Variants in ASH1L observed in about 807,000 individuals in gnomAD.
ASH1L encodes ASH1 like histone lysine methyltransferase.
Under a neutral mutation model 269.0 loss-of-function variants are expected in ASH1L, and 23 were observed. That is an observed-to-expected ratio of 0.09 (90% CI 0.06 to 0.12). The LOEUF (loss-of-function observed/expected upper bound fraction) is 0.12, where lower values mean the gene tolerates loss of function less well. ASH1L is among the 10% of genes least tolerant of loss of function. The pLI, the probability that ASH1L is intolerant of heterozygous loss-of-function variation, is 1.00. For synonymous variants in ASH1L, 1,187 were observed against 1,253.5 expected (o/e 0.95, Z 1.12); for missense variants, 2,912 against 3,567.8 (o/e 0.82, Z 4.68).
rs769262562 is a variant in ASH1L, at chr1:155,502,071, CT to C, written c.420+19028del. Among the ~76,000 whole-genome samples the C allele has an allele frequency of 3.7e-3, 471 of 126,408 alleles. 1 individual carries two copies. The highest frequency in any genetic ancestry group is 9.3e-3 in the East Asian group (41 of 4,404). The allele number at this position is 126,408 out of a possible 152,430, so 82.9% of individuals were successfully genotyped here. A position where few individuals can be genotyped will look rare whatever the true frequency, so the allele number is the denominator to read the frequency against. On this transcript the variant is annotated intron_variant, in intron 2 of 27. Transcript: ENST00000392403. ...TGACAGTTTTCTTTTCTTTTCTTTT[CT>C]TTTTTTTTTTTTTTTTGAGACAGAG...
intron 4 of ASH1L, among the ~76,000 whole-genome samples, chr1:155,458,685 C>A (rs12239100): frequency 0.24 from 37,138 of 152,082 alleles, 5,567 homozygotes; most frequent in East Asian, 0.72. Flanking sequence ...CCACTGTACT[C>A]CAGCCTGGGC....
chr1:155,438,177 G>T, intron 5 of ASH1L, 150 bp downstream of exon 5: 1 of 809,828 alleles, frequency 1.2e-6, no homozygotes, highest in Non-Finnish European at 1.8e-6. Context: ...ACTTGTAAAA[G>T]CAATACATAA....
chr1:155,446,895 G>A lies in ASH1L; in HGVS notation c.5087-7827C>T, dbSNP rs187391551. The stretch of plus-strand genomic sequence containing the variant: ...TGGGATTACAGGCGTGAGCCACCGC[G>A]CCCGGCGCTACATTTCAGTTTCTAA... On this transcript the variant is annotated intron_variant, in intron 4 of 27. Coordinates refer to ENST00000392403, the MANE Select transcript of ASH1L (RefSeq NM_018489.3). Among the ~76,000 whole-genome samples, 16 of 152,214 alleles carry A rather than the reference G, an allele frequency of 1.1e-4. No individual in the cohort carries two copies. In the East Asian group the frequency reaches 1.9e-3, roughly 18 times the overall value.
At chr1:155,522,413 G>A (rs1475307973) in intron 1 of ASH1L, among the ~76,000 whole-genome samples, 1 of 152,110 alleles carries the variant, frequency 6.6e-6, no homozygotes, top group Non-Finnish European at 1.5e-5. Flanking sequence ...CTAGTGAGAA[G>A]GGCAAACATT....
At chr1:155,352,655 AAAG>A in intron 17 of ASH1L, 48 bp downstream of exon 17, 1 of 1,519,748 alleles carries the variant, frequency 6.6e-7, no homozygotes, top group South Asian at 1.3e-5. Context: ...TTTAAAAAAA[AAAG>A]AAAAAGAAAA....
chr1:155,401,445 T>G (rs1571110576), intron 6 of ASH1L, among the ~76,000 whole-genome samples: 2 of 130,270 alleles, frequency 1.5e-5, no homozygotes, highest in South Asian at 4.9e-4. Context: ...GCCACTGGAC[T>G]CCAGCCTGGG....
At chr1:155,552,687 G>A (rs981950848) in intron 1 of ASH1L, among the ~76,000 whole-genome samples, 3 of 151,870 alleles carry the variant, frequency 2.0e-5, no homozygotes, top group Admixed American at 2.0e-4. Context: ...CTAAAATGAA[G>A]AGGGAAAATA....
At chr1:155,399,473 T>C (rs1658648442) in intron 6 of ASH1L, among the ~76,000 whole-genome samples, 1 of 152,096 alleles carries the variant, frequency 6.6e-6, no homozygotes, top group Admixed American at 6.6e-5. Flanking sequence ...CTAAACCTTA[T>C]CTCTACTAAA....
chr1:155,399,699 G>A (rs899406927), intron 6 of ASH1L, among the ~76,000 whole-genome samples: 2 of 151,306 alleles, frequency 1.3e-5, no homozygotes, highest in African/African-American at 4.9e-5. Context: ...TACTTACTAG[G>A]AGGAGATACT....
intron 3 of ASH1L, 82 bp from the exon 4 acceptor site, chr1:155,459,980 TACAGTTTAG>T (rs1430208117): frequency 6.1e-5 from 66 of 1,080,372 alleles, no homozygotes; most frequent in Non-Finnish European, 8.6e-5. Flanking sequence ...TAGAACTTGT[TACAGTTTAG>T]TTGCTGCCAC....
At chr1:155,448,652 G>A (rs532329240) in intron 4 of ASH1L, among the ~76,000 whole-genome samples, 1 of 152,148 alleles carries the variant, frequency 6.6e-6, no homozygotes, top group African/African-American at 2.4e-5. Flanking sequence ...GCGTGACCAC[G>A]CCCAGCTAAT....
rs1558075727 is a variant in ASH1L, at chr1:155,411,591, ATATATATAT to A, written c.6008+4144_6008+4152del. Among the ~76,000 whole-genome samples, 84 of 42,872 alleles carry A rather than the reference ATATATATAT, an allele frequency of 2.0e-3. 7 individuals carry two copies. Among genetic ancestry groups the A allele is most frequent in the East Asian group, 7.8e-3 (14 of 1,800 alleles). The allele number at this position is 42,872 out of a possible 152,430, so 28.1% of individuals were successfully genotyped here. A position where few individuals can be genotyped will look rare whatever the true frequency, so the allele number is the denominator to read the frequency against. ...TGAATATAAATAAATAAATAAATAT[ATATATATAT>A]ATATATATATATATATATGTTTTCA... On this transcript the variant is annotated intron_variant, in intron 6 of 27. Coordinates refer to ENST00000392403, the MANE Select transcript of ASH1L (RefSeq NM_018489.3).
At chr1:155,517,793 C>CTTTTTTTTTTT (rs780065449) in intron 2 of ASH1L, among the ~76,000 whole-genome samples, 1 of 70,918 alleles carries the variant, frequency 1.4e-5, no homozygotes, top group Non-Finnish European at 2.5e-5. Flanking sequence ...CCAATAATTT[C>CTTTTTTTTTTT]TTTTTTTTTT....
chr1:155,374,182 A>G (rs1656229210), intron 10 of ASH1L, among the ~76,000 whole-genome samples: 1 of 152,124 alleles, frequency 6.6e-6, no homozygotes, highest in Admixed American at 6.6e-5. Flanking sequence ...TACAAAAATT[A>G]GCCAGGCGTG....
rs1672072716 is a variant in ASH1L at position 155,562,434 on chromosome 1, G to GGCGGCGGCGGCA, written c.-393_-382dup. Reference sequence around the variant, plus strand: ...CCAAAATGGCGGCGGGAGCGGCGGCGGCGGCGGCGGCAGCAGCAGAGTGGC... The same window carrying GGCGGCGGCGGCA: ...CCAAAATGGCGGCGGGAGCGGCGGCGGCGGCGGCGGCAGCGGCGGCGGCAGCAGCAGAGTGGC... On this transcript the variant is annotated 5_prime_UTR_variant, in exon 1 of 28. Coordinates refer to ENST00000392403, the MANE Select transcript of ASH1L (RefSeq NM_018489.3). 1.4e-6 allele frequency: 2 copies of GGCGGCGGCGGCA among 1,469,818 alleles called. No individual in the cohort carries two copies. The highest frequency in any genetic ancestry group is 2.5e-5 in the East Asian group (1 of 40,386). 91.0% of individuals were successfully genotyped at this position (1,469,818 alleles called of 1,614,324 possible). A position where few individuals can be genotyped will look rare whatever the true frequency, so the allele number is the denominator to read the frequency against.
Position 155,441,454 on chromosome 1 carries a change from C to CTTT in ASH1L, c.5087-2389_5087-2387dup, listed in dbSNP as rs34682576. ...CCACCAGATATTTGAATAAAGAATC[C>CTTT]TTTTTTTTTTTTTTTTTTTTTTTTT... On this transcript the variant is annotated intron_variant, in intron 4 of 27. Transcript: ENST00000392403. Among the ~76,000 whole-genome samples the CTTT allele has an allele frequency of 1.0e-3, 74 of 73,620 alleles. 2 individuals are homozygous for CTTT. Among genetic ancestry groups the CTTT allele is most frequent in the East Asian group, 2.0e-3 (3 of 1,494 alleles). The allele number at this position is 73,620 out of a possible 152,430, so 48.3% of individuals were successfully genotyped here.
chr1:155,438,335 A>T lies in ASH1L; in HGVS notation c.5820T>A (p.Asn1940Lys). 1.3e-6 allele frequency: 2 copies of T among 1,549,834 alleles called. No individual in the cohort carries two copies. The highest frequency in any genetic ancestry group is 1.7e-6 in the Non-Finnish European group (2 of 1,153,240). Residue 1940 changes from asparagine (N) to lysine (K), a missense_variant, in exon 5 of 28, where the codon AAT becomes AAA. Transcript: ENST00000392403. ...KPLPEEEEQE[N>K]NKSFNEAPVE... is the part of the protein sequence containing the mutation. ...GTTAAATGAGGAATTACCTTTTATTATTCTCTTGCTCTTCTTCCTCTGGTA... is the reference window on the plus strand; with the variant it reads ...GTTAAATGAGGAATTACCTTTTATTTTTCTCTTGCTCTTCTTCCTCTGGTA...
chr1:155,558,855 T>C (rs1364397629), intron 1 of ASH1L, among the ~76,000 whole-genome samples: 2 of 150,520 alleles, frequency 1.3e-5, no homozygotes, highest in East Asian at 1.9e-4. Context: ...TCTTTTCTTT[T>C]TTTTTTTTTT....
intron 12 of ASH1L, among the ~76,000 whole-genome samples, chr1:155,363,497 G>A (rs1183579203): frequency 6.6e-6 from 1 of 151,950 alleles, no homozygotes; most frequent in African/African-American, 2.4e-5. Context: ...GCTTGCCTCG[G>A]CCTCCCAAAG....
Sources: gnomAD v4.1 joint callset for allele counts (sites outside exome capture counted in the v4.1 genomes callset) on GRCh38, gnomAD v4.1.1 for gene constraint, MANE v1.5 for transcripts, NCBI Gene and HGNC (gene_info 2026-07-23, HGNC 2026-07-21) for gene names.